The following LPCAT2 variants were observed in gnomAD, a reference collection of about 807,000 sequenced individuals.
LPCAT2 encodes the protein 1-AGP acyltransferase 11.
In LPCAT2, 58 loss-of-function variants were observed where a neutral mutation model predicts 64.7. That is an observed-to-expected ratio of 0.90 (90% CI 0.73 to 1.12). LPCAT2 has a LOEUF of 1.12. LPCAT2 is among the 50% of genes most tolerant of loss of function. LPCAT2 has a pLI of 0.00. For missense variants in LPCAT2, 579 were observed against 669.8 expected (o/e 0.86, Z 1.50); for synonymous variants, 252 against 245.3 (o/e 1.03, Z -0.26).
intron 11 of LPCAT2, among the ~76,000 whole-genome samples, chr16:55,551,949 A>T (rs1357210402): frequency 6.6e-6 from 1 of 151,476 alleles, no homozygotes; most frequent in Non-Finnish European, 1.5e-5. Context: ...CCCTATTCTC[A>T]AAAAAAAATT....
At chr16:55,544,361 A>G (rs556776626) in intron 8 of LPCAT2, among the ~76,000 whole-genome samples, 1 of 152,328 alleles carries the variant, frequency 6.6e-6, no homozygotes, top group Admixed American at 6.5e-5. Flanking sequence ...TAAAATACCC[A>G]GCACACAGTA....
intron 6 of LPCAT2, among the ~76,000 whole-genome samples, chr16:55,533,294 T>TG (rs1963278225): frequency 1.3e-5 from 2 of 152,088 alleles, no homozygotes; most frequent in Non-Finnish European, 2.9e-5. Context: ...TAAAGAGGCT[T>TG]GGTCTTTCAT....
chr16:55,541,911 T>C, intron 8 of LPCAT2: 1 of 1,284,996 alleles, frequency 7.8e-7, no homozygotes, highest in Non-Finnish European at 1.0e-6. Flanking sequence ...ATTTTTTCTC[T>C]TCGAAGATTT....
intron 11 of LPCAT2, among the ~76,000 whole-genome samples, chr16:55,572,428 G>A (rs756200810): frequency 3.3e-5 from 5 of 152,146 alleles, no homozygotes; most frequent in Non-Finnish European, 5.9e-5. Flanking sequence ...TTGCTTAGTG[G>A]AAAAAGCTAA....
At chr16:55,567,391 G>A (rs374187460) in intron 11 of LPCAT2, 1 of 1,613,800 alleles carries the variant, frequency 6.2e-7, no homozygotes. Context: ...TTCATCAGCT[G>A]CTTGGTCCGC....
chr16:55,530,655 A>G (rs1446495426), intron 4 of LPCAT2, among the ~76,000 whole-genome samples: 3 of 152,176 alleles, frequency 2.0e-5, no homozygotes, highest in Non-Finnish European at 4.4e-5. Flanking sequence ...AAGAGAAAGT[A>G]TGTGACCAAA....
intron 1 of LPCAT2, among the ~76,000 whole-genome samples, chr16:55,518,725 G>A (rs1475988613): frequency 6.6e-6 from 1 of 152,074 alleles, no homozygotes; most frequent in Non-Finnish European, 1.5e-5. Context: ...GGATTGACAT[G>A]TGCAGGAGAA....
chr16:55,516,998 A>G (rs1963021811), intron 1 of LPCAT2, among the ~76,000 whole-genome samples: 1 of 152,210 alleles, frequency 6.6e-6, no homozygotes, highest in South Asian at 2.1e-4. Flanking sequence ...AAATTCACAA[A>G]TATGTCAAAA....
chr16:55,581,091 C>T (rs917121288), intron 13 of LPCAT2, among the ~76,000 whole-genome samples: 9 of 152,182 alleles, frequency 5.9e-5, no homozygotes, highest in African/African-American at 1.9e-4. Flanking sequence ...TAGAGTCAAT[C>T]ACAGGACTTC....
chr16:55,573,631 C>T (rs776218903), intron 11 of LPCAT2, among the ~76,000 whole-genome samples: 15 of 152,036 alleles, frequency 9.9e-5, no homozygotes, highest in Non-Finnish European at 2.1e-4. Flanking sequence ...GAAAATTTTG[C>T]TGCCAAAATA....
intron 6 of LPCAT2, among the ~76,000 whole-genome samples, chr16:55,533,189 T>A (rs1963276730): frequency 6.6e-6 from 1 of 152,108 alleles, no homozygotes; most frequent in African/African-American, 2.4e-5. Context: ...AATGAATAGT[T>A]AAAAATCTGT....
intron 11 of LPCAT2, among the ~76,000 whole-genome samples, chr16:55,569,692 C>T (rs959305725): frequency 6.6e-5 from 10 of 152,148 alleles, no homozygotes; most frequent in Admixed American, 6.5e-4. Flanking sequence ...GAAAAACACC[C>T]TGAAATTACC....
intron 1 of LPCAT2, among the ~76,000 whole-genome samples, chr16:55,515,344 A>G (rs186143455): frequency 3.0e-4 from 46 of 152,132 alleles, no homozygotes; most frequent in African/African-American, 1.1e-3. Flanking sequence ...TGACATATTC[A>G]AAGCGCTGAA....
chr16:55,563,000 T>C (rs1963652988), intron 11 of LPCAT2, among the ~76,000 whole-genome samples: 1 of 151,620 alleles, frequency 6.6e-6, no homozygotes, highest in African/African-American at 2.4e-5. Flanking sequence ...AAATATACTG[T>C]TGAGGGGGGA....
Position 55,528,590 on chromosome 16 carries a change from T to C in LPCAT2, c.525T>C (p.Ile175=), listed in dbSNP as rs1335308360. 1 of 1,606,618 alleles carries C rather than the reference T, an allele frequency of 6.2e-7. No individual in the cohort carries two copies. Among genetic ancestry groups the C allele is most frequent in the Admixed American group, 1.7e-5 (1 of 59,962 alleles). The change falls in exon 3 of 14, where the codon ATT becomes ATC. Residue 175 remains isoleucine (I), a synonymous_variant. Coordinates refer to ENST00000262134, the MANE Select transcript of LPCAT2 (RefSeq NM_017839.5). The part of the protein sequence containing the change: ...SRNENAQVPL[I]GRLLRAVQPV... ...ATGAGAATGCACAAGTCCCTCTGAT[T>C]GGCAGTAAGTACTTGTAAGGTAACG... is the stretch of plus-strand genomic sequence containing the variant.
chr16:55,567,108 G>T (rs779550180), intron 11 of LPCAT2: 2 of 1,613,794 alleles, frequency 1.2e-6, no homozygotes, highest in East Asian at 4.5e-5. Context: ...TAAGACTGAC[G>T]GTTTTAGTCT....
intron 1 of LPCAT2, among the ~76,000 whole-genome samples, chr16:55,515,263 A>G (rs1328587806): frequency 2.6e-5 from 4 of 152,244 alleles, no homozygotes; most frequent in Non-Finnish European, 5.9e-5. Context: ...CATTATGTAC[A>G]AAGAATCCTC....
At chr16:55,555,022 A>G (rs1963558727) in intron 11 of LPCAT2, among the ~76,000 whole-genome samples, 1 of 152,202 alleles carries the variant, frequency 6.6e-6, no homozygotes. Context: ...AAAGATCACA[A>G]ATTATAGATC....
intron 1 of LPCAT2, among the ~76,000 whole-genome samples, chr16:55,510,885 A>G (rs1189394920): frequency 6.6e-6 from 1 of 152,232 alleles, no homozygotes; most frequent in Non-Finnish European, 1.5e-5. Flanking sequence ...GGAAAGAAAC[A>G]GCATGGAATG....
Sources: allele counts gnomAD v4.1 joint callset (sites outside exome capture counted in the v4.1 genomes callset), GRCh38; gene constraint gnomAD v4.1.1; transcripts MANE v1.5; gene names NCBI Gene and HGNC (gene_info 2026-07-23, HGNC 2026-07-21).